The following KIF26B variants were observed in gnomAD, a reference collection of about 807,000 sequenced individuals.
The protein encoded by KIF26B is kinesin family member 26B.
Under a neutral mutation model 151.2 loss-of-function variants are expected in KIF26B, and 63 were observed. The observed-to-expected ratio is 0.42, with a 90% CI of 0.34 to 0.51. The LOEUF (loss-of-function observed/expected upper bound fraction) is 0.51, where lower values mean the gene tolerates loss of function less well. KIF26B is among the 20% of genes least tolerant of loss of function. The probability of loss-of-function intolerance (pLI) is 0.07; values close to 1 mark genes in which losing one functional copy is unlikely to be tolerated. For missense variants in KIF26B, 2,813 were observed against 2,913.6 expected (o/e 0.97, Z 0.79); for synonymous variants, 1,357 against 1,262.1 (o/e 1.08, Z -1.59).
chr1:245,589,168 C>T (rs2043259573), intron 5 of KIF26B, among the ~76,000 whole-genome samples: 1 of 152,146 alleles, frequency 6.6e-6, no homozygotes, highest in East Asian at 1.9e-4. Flanking sequence ...GGTGGTTTTC[C>T]TTACTAGGGC....
intron 4 of KIF26B, among the ~76,000 whole-genome samples, chr1:245,451,562 T>C (rs1659390925): frequency 6.7e-6 from 1 of 149,010 alleles, no homozygotes; most frequent in African/African-American, 2.4e-5. Flanking sequence ...GTACAAAGTA[T>C]AATATGTATC....
chr1:245,325,010 G>C (rs866275031), intron 2 of KIF26B, among the ~76,000 whole-genome samples: 1 of 150,062 alleles, frequency 6.7e-6, no homozygotes, highest in Middle Eastern at 3.4e-3. Context: ...CAGGAGAATC[G>C]CTTGAACCCA....
At chr1:245,264,361 G>T (rs1233303271) in intron 2 of KIF26B, among the ~76,000 whole-genome samples, 2 of 152,154 alleles carry the variant, frequency 1.3e-5, no homozygotes, top group Non-Finnish European at 2.9e-5. Flanking sequence ...CACTAATGCT[G>T]ATGACTGTCT....
intron 2 of KIF26B, among the ~76,000 whole-genome samples, chr1:245,202,325 G>A (rs1373191205): frequency 6.6e-6 from 1 of 152,158 alleles, no homozygotes; most frequent in Admixed American, 6.5e-5. Flanking sequence ...CTTTTACGCT[G>A]GCATACACAG....
Position 245,611,779 on chromosome 1 carries a change from C to T in KIF26B, c.1915-14C>T, listed in dbSNP as rs757140034. On this transcript the variant is annotated splice_polypyrimidine_tract_variant and intron_variant, in intron 8 of 14. Coordinates refer to ENST00000407071, the MANE Select transcript of KIF26B (RefSeq NM_018012.4). ...CTCAGCCTGCAGCCTCATCTCTTGGCTTCTGTCTTCCAGCTGCAGAACCAG... is the reference window on the plus strand; with the variant it reads ...CTCAGCCTGCAGCCTCATCTCTTGGTTTCTGTCTTCCAGCTGCAGAACCAG... 6.2e-7 allele frequency: 1 copy of T among 1,611,792 alleles called. No individual in the cohort carries two copies. The highest frequency in any genetic ancestry group is 1.3e-5 in the African/African-American group (1 of 74,896).
At chr1:245,283,074 A>G (rs1341656722) in intron 2 of KIF26B, 1 of 174,888 alleles carries the variant, frequency 5.7e-6, no homozygotes. Context: ...TCCAGCTGCT[A>G]CCACCTACTA....
chr1:245,213,532 A>T (rs1669584306), intron 2 of KIF26B, among the ~76,000 whole-genome samples: 1 of 152,188 alleles, frequency 6.6e-6, no homozygotes, highest in Non-Finnish European at 1.5e-5. Context: ...AGCAGAGGTA[A>T]TGGAAGAGAG....
At chr1:245,228,770 G>A (rs1472714038) in intron 2 of KIF26B, among the ~76,000 whole-genome samples, 2 of 152,158 alleles carry the variant, frequency 1.3e-5, no homozygotes, top group African/African-American at 2.4e-5. Context: ...CAGCTGAAAT[G>A]TAGCAGGTTG....
In KIF26B at chr1:245,366,846, T is replaced by C; in HGVS notation, c.478T>C (p.Ser160Pro). 6.2e-7 allele frequency: 1 copy of C among 1,613,944 alleles called. No individual in the cohort carries two copies. Among genetic ancestry groups the C allele is most frequent in the Non-Finnish European group, 8.5e-7 (1 of 1,179,840 alleles). ...GPFPGKDPAFSAVIHDKLQVP... is the reference protein window; with the variant it reads ...GPFPGKDPAFPAVIHDKLQVP... ...CTGTGTTCTGTAGGACCCTGCTTTC[T>C]CGGCTGTGATTCACGACAAACTCCA... Residue 160 changes from serine (S) to proline (P), a missense_variant, in exon 3 of 15, where the codon TCG becomes CCG. Physicochemically the swap from Ser to Pro is moderately conservative, Grantham distance 74. Transcript: ENST00000407071.
At chr1:245,438,049 T>G (rs1010506629) in intron 4 of KIF26B, among the ~76,000 whole-genome samples, 1 of 152,220 alleles carries the variant, frequency 6.6e-6, no homozygotes, top group Admixed American at 6.5e-5. Context: ...TCTAACAGCA[T>G]CAGAAGACCA....
intron 12 of KIF26B, among the ~76,000 whole-genome samples, chr1:245,697,456 TAAAC>T (rs1019834561): frequency 3.3e-5 from 5 of 152,190 alleles, no homozygotes; most frequent in African/African-American, 1.2e-4. Flanking sequence ...TATAAGCAAA[TAAAC>T]AGTGTTTTCT....
rs2044853078 is a variant in KIF26B, at chr1:245,707,219, C to T, written c.*4613C>T. On this transcript the variant is annotated 3_prime_UTR_variant, in exon 15 of 15. Transcript: ENST00000407071. Reference sequence around the variant, plus strand: ...CCCAGAACCTGCAGCAATGTCATAACACTGGACACAGTGCGGCTTGGGGCA... The same window carrying T: ...CCCAGAACCTGCAGCAATGTCATAATACTGGACACAGTGCGGCTTGGGGCA... 1 of 152,212 alleles carries T rather than the reference C, an allele frequency of 6.6e-6. No homozygotes were observed. Among genetic ancestry groups the T allele is most frequent in the Non-Finnish European group, 1.5e-5 (1 of 68,032 alleles). The allele number at this position is 152,212 out of a possible 1,614,324, so 9.4% of individuals were successfully genotyped here. A position where few individuals can be genotyped will look rare whatever the true frequency, so the allele number is the denominator to read the frequency against.
At chr1:245,158,650 T>A (rs1465330618) in intron 2 of KIF26B, among the ~76,000 whole-genome samples, 2 of 152,208 alleles carry the variant, frequency 1.3e-5, no homozygotes, top group Admixed American at 6.5e-5. Context: ...CATACGTGAA[T>A]GTCACATAGT....
At chr1:245,678,181 G>A (rs2044378660) in intron 10 of KIF26B, among the ~76,000 whole-genome samples, 1 of 152,116 alleles carries the variant, frequency 6.6e-6, no homozygotes, top group South Asian at 2.1e-4. Flanking sequence ...CAAAGCCGTG[G>A]TTCTGTCCCC....
At chr1:245,525,213 A>G (rs1305096762) in intron 4 of KIF26B, among the ~76,000 whole-genome samples, 1 of 152,194 alleles carries the variant, frequency 6.6e-6, no homozygotes, top group Non-Finnish European at 1.5e-5. Flanking sequence ...CTAAATGAAG[A>G]TCTAAGCCAA....
chr1:245,330,830 G>GTCGGGGGA (rs1672094164), intron 2 of KIF26B, among the ~76,000 whole-genome samples: 1 of 143,780 alleles, frequency 7.0e-6, no homozygotes, highest in African/African-American at 2.6e-5. Context: ...AGTCGGGGAG[G>GTCGGGGGA]GAGTGGGGGT....
Position 245,390,175 on chromosome 1 carries a change from G to GT in KIF26B, c.999+22821dup, listed in dbSNP as rs61383926. 5.8e-4 allele frequency among the ~76,000 whole-genome samples: 85 copies of GT among 146,948 alleles called. 1 individual carries two copies. The highest frequency in any genetic ancestry group is 3.6e-3 in the Middle Eastern group (1 of 280). On this transcript the variant is annotated intron_variant, in intron 3 of 14. Transcript: ENST00000407071. ...TGTCATATATTTGGATATTTGGAGG[G>GT]TTTTTTTTTTTTTAAGAAGTACAGT...
intron 2 of KIF26B, among the ~76,000 whole-genome samples, chr1:245,238,040 A>AAAT (rs34032750): frequency 4.0e-5 from 6 of 149,342 alleles, no homozygotes; most frequent in Non-Finnish European, 3.0e-5. Flanking sequence ...AAAAAAAAAA[A>AAAT]GTTGTTATTT....
At chr1:245,662,656 TACATACATATACCCAATGATAC>T (rs2044165976) in intron 10 of KIF26B, among the ~76,000 whole-genome samples, 1 of 83,724 alleles carries the variant, frequency 1.2e-5, no homozygotes, top group Admixed American at 1.3e-4. Flanking sequence ...ACACATCCAA[TACATACATATACCCAATGATAC>T]ATATATATAC....
Sources: gnomAD v4.1 joint callset for allele counts (sites outside exome capture counted in the v4.1 genomes callset) on GRCh38, gnomAD v4.1.1 for gene constraint, MANE v1.5 for transcripts, NCBI Gene and HGNC (gene_info 2026-07-23, HGNC 2026-07-21) for gene names.